The following MACROD2 variants were observed in gnomAD, a reference collection of about 807,000 sequenced individuals.
MACROD2 encodes the protein ADP-ribose glycohydrolase MACROD2.
In MACROD2, 36 loss-of-function variants were observed where a neutral mutation model predicts 70.4. The ratio of observed to expected loss-of-function variants is 0.51; its 90% CI spans 0.39 to 0.68. The LOEUF (loss-of-function observed/expected upper bound fraction) is 0.68. Among genes scored for constraint, MACROD2 ranks in the 30% least tolerant of loss-of-function variants. MACROD2 has a pLI of 0.00. For synonymous variants in MACROD2, 172 were observed against 178.8 expected (o/e 0.96, Z 0.30); for missense variants, 496 against 538.4 (o/e 0.92, Z 0.78).
At chr20:15,874,544 G>C (rs1183561446) in intron 9 of MACROD2, among the ~76,000 whole-genome samples, 1 of 151,992 alleles carries the variant, frequency 6.6e-6, no homozygotes, top group Non-Finnish European at 1.5e-5. Context: ...GTGTAAAAGC[G>C]TTCCTATTTC....
intron 3 of MACROD2, among the ~76,000 whole-genome samples, chr20:14,327,989 A>G (rs2082766138): frequency 6.6e-6 from 1 of 152,192 alleles, no homozygotes; most frequent in South Asian, 2.1e-4. Flanking sequence ...ACTGTTATCA[A>G]AAAACCACAC....
At chr20:15,265,235 C>G (rs2077283138) in intron 6 of MACROD2, among the ~76,000 whole-genome samples, 1 of 152,174 alleles carries the variant, frequency 6.6e-6, no homozygotes, top group African/African-American at 2.4e-5. Context: ...TTTGGTCTGC[C>G]AGTCCTAAAG....
intron 6 of MACROD2, among the ~76,000 whole-genome samples, chr20:15,267,311 C>G (rs1057298456): frequency 1.3e-5 from 2 of 152,172 alleles, no homozygotes; most frequent in Non-Finnish European, 2.9e-5. Flanking sequence ...GGTCTCTGCT[C>G]AAATCTGGAA....
intron 5 of MACROD2, among the ~76,000 whole-genome samples, chr20:14,952,608 A>T (rs1445249170): frequency 6.6e-6 from 1 of 152,152 alleles, no homozygotes; most frequent in Admixed American, 6.6e-5. Context: ...GTATTGATTA[A>T]AAAATTTTCT....
chr20:15,447,869 C>T (rs758486750), intron 7 of MACROD2, among the ~76,000 whole-genome samples: 11 of 152,084 alleles, frequency 7.2e-5, no homozygotes, highest in Admixed American at 2.0e-4. Context: ...CCCTGTCTCT[C>T]AGGCTATTAG....
chr20:15,325,853 G>C (rs1407245398), intron 6 of MACROD2, among the ~76,000 whole-genome samples: 1 of 152,108 alleles, frequency 6.6e-6, no homozygotes, highest in Non-Finnish European at 1.5e-5. Flanking sequence ...TAATGACTTA[G>C]ATATTAGTAA....
intron 5 of MACROD2, among the ~76,000 whole-genome samples, chr20:15,042,889 C>T (rs1201593359): frequency 6.6e-6 from 1 of 152,178 alleles, no homozygotes. Flanking sequence ...TATTTTTCTA[C>T]AACACTGTTT....
intron 7 of MACROD2, among the ~76,000 whole-genome samples, chr20:15,473,771 C>T (rs1176854835): frequency 6.6e-6 from 1 of 152,206 alleles, no homozygotes; most frequent in African/African-American, 2.4e-5. Context: ...TGTTTCCTTT[C>T]TCTAGTCCCA....
chr20:15,171,749 A>G (rs2076424281), intron 5 of MACROD2, among the ~76,000 whole-genome samples: 1 of 152,102 alleles, frequency 6.6e-6, no homozygotes, highest in Admixed American at 6.5e-5. Flanking sequence ...CTATCCCATT[A>G]TTCTCTATCA....
intron 5 of MACROD2, among the ~76,000 whole-genome samples, chr20:15,174,718 T>G (rs2076446977): frequency 6.6e-6 from 1 of 152,268 alleles, no homozygotes; most frequent in South Asian, 2.1e-4. Flanking sequence ...AGATGGTATC[T>G]CACTGTGGTT....
At chr20:14,488,550 A>G (rs1457148215) in intron 3 of MACROD2, among the ~76,000 whole-genome samples, 2 of 152,190 alleles carry the variant, frequency 1.3e-5, no homozygotes, top group Non-Finnish European at 2.9e-5. Flanking sequence ...GTTGTTTTCT[A>G]TAACCACCTT....
intron 8 of MACROD2, among the ~76,000 whole-genome samples, chr20:15,658,267 A>T (rs463020): frequency 6.7e-6 from 1 of 148,196 alleles, no homozygotes. Context: ...TCGCTATGCA[A>T]TTTGACTTAT....
intron 5 of MACROD2, among the ~76,000 whole-genome samples, chr20:15,168,375 T>C (rs955711216): frequency 6.6e-6 from 1 of 151,362 alleles, no homozygotes; most frequent in African/African-American, 2.4e-5. Flanking sequence ...TGAATACACT[T>C]TCTGTGCTGC....
At chr20:15,844,383 A>G (rs1433331308) in intron 8 of MACROD2, among the ~76,000 whole-genome samples, 1 of 152,090 alleles carries the variant, frequency 6.6e-6, no homozygotes, top group Non-Finnish European at 1.5e-5. Context: ...GGTCCCGGTA[A>G]CTGCTATCAT....
At chr20:14,485,657 T>C (rs1008667198) in intron 3 of MACROD2, among the ~76,000 whole-genome samples, 37 of 129,020 alleles carry the variant, frequency 2.9e-4, no homozygotes, top group East Asian at 9.2e-4. Context: ...GCCGAGATCG[T>C]GCCACTTGCA....
At chr20:14,530,250 T>C (rs1354817663) in intron 4 of MACROD2, among the ~76,000 whole-genome samples, 3 of 152,102 alleles carry the variant, frequency 2.0e-5, no homozygotes, top group Admixed American at 2.0e-4. Flanking sequence ...GGCAAAGACA[T>C]ACAGATATTG....
chr20:15,243,289 A>G (rs2077076142), intron 6 of MACROD2, among the ~76,000 whole-genome samples: 1 of 152,194 alleles, frequency 6.6e-6, no homozygotes. Flanking sequence ...TGCCCAATGT[A>G]TTTGACAGTT....
At chr20:14,094,228 C>A (rs745639987) in intron 3 of MACROD2, among the ~76,000 whole-genome samples, 1 of 152,156 alleles carries the variant, frequency 6.6e-6, no homozygotes, top group African/African-American at 2.4e-5. Flanking sequence ...TCTTCTGACT[C>A]TGCCCTCTTT....
chr20:15,782,595 A>G (rs1308420245), intron 8 of MACROD2, among the ~76,000 whole-genome samples: 3 of 151,714 alleles, frequency 2.0e-5, no homozygotes, highest in African/African-American at 2.4e-5. Flanking sequence ...CTCTTACTGT[A>G]TGGTCCCAAA....
Sources: allele counts gnomAD v4.1 joint callset (sites outside exome capture counted in the v4.1 genomes callset), GRCh38; gene constraint gnomAD v4.1.1; transcripts MANE v1.5; gene names NCBI Gene and HGNC (gene_info 2026-07-23, HGNC 2026-07-21).